TRPV1: variants seen among roughly 807,000 people sequenced by gnomAD.
The protein encoded by TRPV1 is OTRPC1.
In TRPV1, 82 loss-of-function variants were observed where a neutral mutation model predicts 82.3. The ratio of observed to expected loss-of-function variants is 1.00; its 90% CI spans 0.83 to 1.20. The LOEUF is 1.20. Among genes scored for constraint, TRPV1 ranks in the 50% most tolerant of loss-of-function variants. TRPV1 has a pLI of 0.00. For synonymous variants in TRPV1, 515 were observed against 467.7 expected, an observed-to-expected ratio of 1.10 and a Z score of -1.30; for missense variants, 1,067 against 1,096.8, an observed-to-expected ratio of 0.97 and a Z score of 0.38.
rs1347504793 is a variant in TRPV1, at chr17:3,591,307, T to C, written c.331A>G (p.Arg111Gly). 16 of 1,606,514 alleles carry C rather than the reference T, an allele frequency of 1.0e-5. No individual in the cohort carries two copies. Among genetic ancestry groups the C allele is most frequent in the African/African-American group, 1.3e-5 (1 of 74,164 alleles). ...SVAASTEKTL[R>G]LYDRRSIFEA... ...AAGATACTCCTGCGATCATAGAGCC[T>C]GAGGGTCTTCTCGGTGCTGGCGGCG... is the stretch of plus-strand genomic sequence containing the variant. Residue 111 changes from arginine to glycine, a missense_variant, in exon 4 of 17, where the codon AGG (arginine) becomes GGG (glycine). Coordinates refer to ENST00000572705, the MANE Select transcript of TRPV1 (RefSeq NM_080704.4).
intron 2 of TRPV1, among the ~76,000 whole-genome samples, chr17:3,599,059 G>A (rs1251370438): frequency 6.6e-6 from 1 of 151,410 alleles, no homozygotes; most frequent in Non-Finnish European, 1.5e-5. Context: ...GACCAACATG[G>A]TGAAACCCCA....
chr17:3,571,387 A>G (rs2074850615), intron 16 of TRPV1, 137 bp downstream of exon 16: 2 of 644,372 alleles, frequency 3.1e-6, no homozygotes, highest in Admixed American at 2.6e-5. Flanking sequence ...CTCATGGCCG[A>G]CGTCAGGAGC....
At position 3,594,154 on chromosome 17, in the gene TRPV1, AAGCAGCAGC is replaced by A. The variant is rs773915600; in HGVS notation, c.-33-1780_-33-1772del. Among the ~76,000 whole-genome samples the A allele has an allele frequency of 6.5e-3, 619 of 95,394 alleles. 7 individuals are homozygous for A. The highest frequency in any genetic ancestry group is 0.029 in the African/African-American group (513 of 17,454). 62.6% of individuals were successfully genotyped at this position (95,394 alleles called of 152,430 possible). A position where few individuals can be genotyped will look rare whatever the true frequency, so the allele number is the denominator to read the frequency against. On this transcript the variant is annotated intron_variant, in intron 2 of 16. Transcript: ENST00000572705. ...AAAAAAAAAAAAAAAAAAAAAAAAG[AAGCAGCAGC>A]AGCAGCAGCAGCAGCAGCTGCACAC...
intron 10 of TRPV1, among the ~76,000 whole-genome samples, chr17:3,581,989 G>C (rs1453826535): frequency 2.1e-5 from 3 of 145,358 alleles, no homozygotes; most frequent in Non-Finnish European, 4.5e-5. Context: ...AGGAGATCGA[G>C]ACCATCCTGG....
intron 2 of TRPV1, among the ~76,000 whole-genome samples, chr17:3,593,274 T>G (rs915923826): frequency 1.3e-5 from 2 of 152,126 alleles, no homozygotes; most frequent in Non-Finnish European, 2.9e-5. Context: ...CCCGCCACCA[T>G]GCGTGGCTAA....
chr17:3,597,498 G>A (rs984849214), intron 2 of TRPV1, among the ~76,000 whole-genome samples: 2 of 152,028 alleles, frequency 1.3e-5, no homozygotes, highest in Non-Finnish European at 2.9e-5. Context: ...TTGAGAGTCC[G>A]AGCAACCTTG....
intron 2 of TRPV1, among the ~76,000 whole-genome samples, chr17:3,607,684 G>A (rs1354513238): frequency 3.3e-5 from 5 of 151,654 alleles, no homozygotes; most frequent in African/African-American, 4.8e-5. Flanking sequence ...TTACAGGCGC[G>A]TGCCATCATG....
At chr17:3,580,190 T>C (rs2074988194) in intron 11 of TRPV1, among the ~76,000 whole-genome samples, 1 of 152,146 alleles carries the variant, frequency 6.6e-6, no homozygotes, top group Non-Finnish European at 1.5e-5. Flanking sequence ...GAATGGCAGA[T>C]GGATGGACAA....
At position 3,592,208 on chromosome 17, in the gene TRPV1, C is replaced by T. The variant is rs201626897; in HGVS notation, c.143G>A (p.Arg48Gln). The T allele has an allele frequency of 1.7e-5, 28 of 1,612,906 alleles. No individual in the cohort carries two copies. Among genetic ancestry groups the T allele is most frequent in the Middle Eastern group, 1.6e-4 (1 of 6,082 alleles). The stretch of plus-strand genomic sequence containing the variant: ...CTCCGAGTCACCCTTCCCAAAGAGC[C>T]GGGTGCGGCTCTTGGCCGTGGAGAG... ...PQLSTAKSRT[R>Q]LFGKGDSEEA... The change falls in exon 3 of 17, where the codon CGG becomes CAG. Residue 48 changes from arginine (R) to glutamine (Q), a missense_variant. Physicochemically the swap from Arg to Gln is conservative, Grantham distance 43. Coordinates refer to ENST00000572705, the MANE Select transcript of TRPV1 (RefSeq NM_080704.4).
rs117689062 is a variant in TRPV1 at position 3,595,065 on chromosome 17, T to C, written c.-33-2682A>G. Among the ~76,000 whole-genome samples the C allele has an allele frequency of 6.3e-3, 953 of 152,206 alleles. 7 individuals are homozygous for C. The highest frequency in any genetic ancestry group is 0.046 in the East Asian group (238 of 5,150). On this transcript the variant is annotated intron_variant, in intron 2 of 16. Transcript: ENST00000572705. ...GGGCCGGGTGCTAGTCTTCCCTTTCTGAAGATAACACCCCGTCAAGGACCG... is the reference window on the plus strand; with the variant it reads ...GGGCCGGGTGCTAGTCTTCCCTTTCCGAAGATAACACCCCGTCAAGGACCG...
In TRPV1 at chr17:3,572,177, G is replaced by C. The variant is rs963184681; in HGVS notation, c.2176C>G (p.Leu726Val). The C allele has an allele frequency of 1.9e-6, 3 of 1,613,404 alleles. No homozygotes were observed. The highest frequency in any genetic ancestry group is 1.7e-5 in the Admixed American group (1 of 59,948). ...TCAGGTGTGTACCCCACCTGCAGCA[G>C]CTTGCCTGAGCGGAAGGCCTTCCTC... is the stretch of plus-strand genomic sequence containing the variant. ...CMRKAFRSGK[L>V]LQVGYTPDGK... The change falls in exon 15 of 17, where the codon CTG becomes GTG. Residue 726 changes from leucine (L) to valine (V), a missense_variant. Coordinates refer to ENST00000572705, the MANE Select transcript of TRPV1 (RefSeq NM_080704.4).
intron 11 of TRPV1, among the ~76,000 whole-genome samples, chr17:3,579,706 C>T (rs1277385896): frequency 6.6e-6 from 1 of 152,084 alleles, no homozygotes; most frequent in Non-Finnish European, 1.5e-5. Context: ...GAACTCATGA[C>T]CTCAAGTGAT....
In TRPV1 at chr17:3,572,148, G is replaced by C. The variant is rs748641694; in HGVS notation, c.2205C>G (p.Gly735=). The change falls in exon 15 of 17, where the codon GGC becomes GGG. Residue 735 remains glycine, a synonymous_variant. Transcript: ENST00000572705. ...TGAAGCACCACCGGTAGTCGTCCTT[G>C]CCATCAGGTGTGTACCCCACCTGCA... ...KLLQVGYTPD[G]KDDYRWCFRV... 3 of 1,613,598 alleles carry C rather than the reference G, an allele frequency of 1.9e-6. No individual in the cohort carries two copies. The Admixed American group carries it at 5.0e-5, about 27-fold the overall frequency.
At chr17:3,576,615 G>A (rs1362626378) in intron 13 of TRPV1, among the ~76,000 whole-genome samples, 4 of 142,426 alleles carry the variant, frequency 2.8e-5, no homozygotes, top group Admixed American at 1.5e-4. Flanking sequence ...TCGCGCCACT[G>A]CACGCCAGCC....
At position 3,575,676 on chromosome 17, in the gene TRPV1, C is replaced by T. The variant is rs569990260; in HGVS notation, c.1780+1450G>A. Among the ~76,000 whole-genome samples the T allele has an allele frequency of 2.6e-5, 4 of 152,214 alleles. No individual in the cohort carries two copies. The South Asian group carries it at 6.2e-4, about 24-fold the overall frequency. On this transcript the variant is annotated intron_variant, in intron 13 of 16. Transcript: ENST00000572705. ...GTAGCTTTACAGTGGAAAAGTCTGG[C>T]AGATCCACCAAAACCAAGTCATCAA...
chr17:3,599,578 T>C (rs112654653), intron 2 of TRPV1, among the ~76,000 whole-genome samples: 7,240 of 151,684 alleles, frequency 0.048, 540 homozygotes, highest in African/African-American at 0.16. Flanking sequence ...TAGCATAATT[T>C]CCTCAAGGTT....
At chr17:3,573,551 C>CCCCCCCCCCCCCCCCCTTT in intron 14 of TRPV1, 82 bp downstream of exon 14, 1 of 635,234 alleles carries the variant, frequency 1.6e-6, no homozygotes, top group South Asian at 6.1e-5. Context: ...ACCCACCCAC[C>CCCCCCCCCCCCCCCCCTTT]TGCAGCCAGC....
rs796437919 is a variant in TRPV1, at chr17:3,590,938, A to G, written c.604+26T>C. ...GCTTCCCGGTGCTGCGGGCTGAGCC[A>G]TGCCCGGCCCCGCCGCCCTCCTCAC... On this transcript the variant is annotated intron_variant, in intron 5 of 16. Transcript: ENST00000572705. 4 of 1,563,716 alleles carry G rather than the reference A, an allele frequency of 2.6e-6. No individual in the cohort carries two copies. The South Asian group carries it at 4.9e-5, about 19-fold the overall frequency.
intron 2 of TRPV1, chr17:3,596,799 G>C (rs898437218): frequency 4.6e-5 from 7 of 152,518 alleles, no homozygotes; most frequent in African/African-American, 1.7e-4. Context: ...ACAGAGAGGT[G>C]AGTGGACCTG....
Sources: gnomAD v4.1 joint callset for allele counts (sites outside exome capture counted in the v4.1 genomes callset) on GRCh38, gnomAD v4.1.1 for gene constraint, MANE v1.5 for transcripts, NCBI Gene and HGNC (gene_info 2026-07-23, HGNC 2026-07-21) for gene names.